Variants in PTPRR observed in about 807,000 individuals in gnomAD.
PTPRR encodes protein tyrosine phosphatase receptor type R, also known as receptor-type tyrosine-protein phosphatase R.
Under a neutral mutation model 77.2 loss-of-function variants are expected in PTPRR, and 38 were observed. That is an observed-to-expected ratio of 0.49 (90% CI 0.38 to 0.65). The LOEUF (loss-of-function observed/expected upper bound fraction) is 0.65, where lower values mean the gene tolerates loss of function less well. PTPRR is among the 30% of genes least tolerant of loss of function. The pLI is 0.00. For missense variants in PTPRR, 744 were observed against 799.2 expected, an observed-to-expected ratio of 0.93 and a Z score of 0.83; for synonymous variants, 299 against 283.1, an observed-to-expected ratio of 1.06 and a Z score of -0.57.
At chr12:70,900,251 T>A (rs1387496517) in intron 1 of PTPRR, among the ~76,000 whole-genome samples, 1 of 151,556 alleles carries the variant, frequency 6.6e-6, no homozygotes, top group Non-Finnish European at 1.5e-5. Context: ...TAAAACTTAC[T>A]ATAAAGCTAT....
Position 70,746,085 on chromosome 12 carries a change from A to C in PTPRR, c.740T>G (p.Ile247Ser). 6.2e-7 allele frequency: 1 copy of C among 1,609,324 alleles called. No homozygotes were observed. The highest frequency in any genetic ancestry group is 1.3e-5 in the African/African-American group (1 of 74,800). Residue 247 changes from isoleucine to serine, a missense_variant and splice_region_variant, in exon 6 of 14, where the codon ATT (isoleucine) becomes AGT (serine). Transcript: ENST00000283228. The stretch of plus-strand genomic sequence containing the variant: ...AAATCTTTCTTTTAATCTGTAAAGA[A>C]TCTATAGAAGGAGATATAAAAAACT... Reference protein sequence around the residue: ...IFVIIVTCLMILYRLKERFQL... With the variant: ...IFVIIVTCLMSLYRLKERFQL...
intron 6 of PTPRR, among the ~76,000 whole-genome samples, chr12:70,732,620 G>A (rs1365433988): frequency 6.6e-6 from 1 of 152,184 alleles, no homozygotes; most frequent in East Asian, 1.9e-4. Flanking sequence ...GAGTGCAGTG[G>A]CATGATCTCA....
At chr12:70,768,680 AC>A (rs889690646) in intron 2 of PTPRR, among the ~76,000 whole-genome samples, 1 of 152,224 alleles carries the variant, frequency 6.6e-6, no homozygotes, top group Non-Finnish European at 1.5e-5. Context: ...TCATCCTGAT[AC>A]CAAAGCCGGG....
chr12:70,903,862 T>G (rs74236510), intron 1 of PTPRR, among the ~76,000 whole-genome samples: 1 of 151,858 alleles, frequency 6.6e-6, no homozygotes, highest in East Asian at 1.9e-4. Flanking sequence ...CTGGAATGTA[T>G]AAAGAACTCT....
intron 2 of PTPRR, among the ~76,000 whole-genome samples, chr12:70,815,726 T>A (rs1891891374): frequency 6.6e-6 from 1 of 152,262 alleles, no homozygotes; most frequent in East Asian, 1.9e-4. Flanking sequence ...GTTTTGAAGT[T>A]GGAAAATGAT....
At chr12:70,740,535 G>A (rs1890013861) in intron 6 of PTPRR, among the ~76,000 whole-genome samples, 1 of 152,020 alleles carries the variant, frequency 6.6e-6, no homozygotes, top group Non-Finnish European at 1.5e-5. Context: ...ACCATGCCTG[G>A]CTAATATGTT....
intron 6 of PTPRR, among the ~76,000 whole-genome samples, chr12:70,733,440 AAAAAAG>A (rs1468819585): frequency 5.3e-5 from 5 of 94,630 alleles, no homozygotes; most frequent in African/African-American, 1.6e-4. Flanking sequence ...AAAAAAAAAA[AAAAAAG>A]AAAGAAAAAA....
intron 2 of PTPRR, among the ~76,000 whole-genome samples, chr12:70,834,415 G>A (rs1892267092): frequency 6.6e-6 from 1 of 152,036 alleles, no homozygotes; most frequent in Non-Finnish European, 1.5e-5. Flanking sequence ...GATCTCCCTT[G>A]TTCAATTTTG....
intron 6 of PTPRR, among the ~76,000 whole-genome samples, chr12:70,732,813 C>A (rs996206680): frequency 1.3e-5 from 2 of 152,200 alleles, no homozygotes; most frequent in African/African-American, 4.8e-5. Flanking sequence ...ACCACCTCAG[C>A]CTCCCAAAGT....
intron 2 of PTPRR, among the ~76,000 whole-genome samples, chr12:70,865,565 A>G (rs1464113771): frequency 1.3e-5 from 2 of 152,204 alleles, no homozygotes; most frequent in African/African-American, 4.8e-5. Flanking sequence ...TCCAAAGGGA[A>G]GATCCAGCTA....
intron 2 of PTPRR, among the ~76,000 whole-genome samples, chr12:70,769,377 G>C (rs1890911718): frequency 6.6e-6 from 1 of 151,846 alleles, no homozygotes; most frequent in African/African-American, 2.4e-5. Context: ...CAGACAAACA[G>C]AGAGCCAAAT....
intron 2 of PTPRR, among the ~76,000 whole-genome samples, chr12:70,828,158 C>T (rs2137047736): frequency 6.6e-6 from 1 of 152,326 alleles, no homozygotes; most frequent in Middle Eastern, 3.4e-3. Flanking sequence ...CAGTCTGTAA[C>T]AGTATCTAAT....
chr12:70,853,266 G>A (rs1027516592), intron 2 of PTPRR, among the ~76,000 whole-genome samples: 2 of 152,078 alleles, frequency 1.3e-5, no homozygotes, highest in Non-Finnish European at 2.9e-5. Context: ...CCAGCCTTAC[G>A]GCATCTAATA....
chr12:70,777,820 A>C (rs1444675967), intron 2 of PTPRR, among the ~76,000 whole-genome samples: 1 of 152,238 alleles, frequency 6.6e-6, no homozygotes, highest in African/African-American at 2.4e-5. Context: ...CCCACTCAGA[A>C]ACCCACATTA....
intron 6 of PTPRR, among the ~76,000 whole-genome samples, chr12:70,742,847 A>G (rs555070196): frequency 2.6e-5 from 4 of 152,278 alleles, no homozygotes; most frequent in African/African-American, 9.6e-5. Context: ...GGGAAAAACA[A>G]CACGGAGAAG....
chr12:70,666,491 A>G (rs1401273996), intron 10 of PTPRR, among the ~76,000 whole-genome samples: 1 of 152,188 alleles, frequency 6.6e-6, no homozygotes, highest in Non-Finnish European at 1.5e-5. Context: ...TTAATTACAT[A>G]TTACAGAAAT....
intron 12 of PTPRR, among the ~76,000 whole-genome samples, chr12:70,657,124 AG>A (rs1403318539): frequency 6.6e-6 from 1 of 152,110 alleles, no homozygotes; most frequent in East Asian, 1.9e-4. Flanking sequence ...AGTAGAAAGG[AG>A]GGGGAAGATT....
At chr12:70,788,086 T>C (rs903926313) in intron 2 of PTPRR, among the ~76,000 whole-genome samples, 3 of 152,232 alleles carry the variant, frequency 2.0e-5, no homozygotes, top group African/African-American at 4.8e-5. Flanking sequence ...GCGAGGTTTT[T>C]CACCTCAGGA....
At chr12:70,650,918 C>T (rs75890633) in intron 13 of PTPRR, among the ~76,000 whole-genome samples, 4,717 of 152,320 alleles carry the variant, frequency 0.031, 98 homozygotes, top group Non-Finnish European at 0.046. Context: ...ATATACCTCT[C>T]ACCTTCTTGT....
Sources: allele counts gnomAD v4.1 joint callset (sites outside exome capture counted in the v4.1 genomes callset), GRCh38; gene constraint gnomAD v4.1.1; transcripts MANE v1.5; gene names NCBI Gene and HGNC (gene_info 2026-07-23, HGNC 2026-07-21).